Variants in PSD3 observed in about 807,000 individuals in gnomAD.
The protein encoded by PSD3 is PH and SEC7 domain-containing protein 3.
PSD3 carries 49 observed loss-of-function variants against 105.5 expected under a neutral mutation model. The ratio of observed to expected loss-of-function variants is 0.46; its 90% confidence interval spans 0.37 to 0.59. The LOEUF is 0.59. Ranked by LOEUF, PSD3 falls within the 20% of genes least tolerant of loss-of-function variation. The pLI is 0.00. For missense variants in PSD3, 1,561 were observed against 1,263.8 expected, an observed-to-expected ratio of 1.24 and a Z score of -3.57; for synonymous variants, 557 against 457.8, an observed-to-expected ratio of 1.22 and a Z score of -2.77.
intron 10 of PSD3, among the ~76,000 whole-genome samples, chr8:18,654,800 T>TCCCAAGAGATCCAATCCATC (rs1808766278): frequency 6.6e-6 from 1 of 152,218 alleles, no homozygotes; most frequent in South Asian, 2.1e-4. Flanking sequence ...TCTCCCAAGC[T>TCCCAAGAGATCCAATCCATC]TATTCCATTC....
At chr8:18,908,317 T>A (rs1343211530) in intron 2 of PSD3, among the ~76,000 whole-genome samples, 1 of 152,194 alleles carries the variant, frequency 6.6e-6, no homozygotes, top group African/African-American at 2.4e-5. Context: ...TGGATTAATA[T>A]TTAAGGTCTT....
intron 4 of PSD3, among the ~76,000 whole-genome samples, chr8:18,821,555 A>G (rs1466777378): frequency 6.6e-6 from 1 of 151,946 alleles, no homozygotes; most frequent in Non-Finnish European, 1.5e-5. Flanking sequence ...TCCTAACAAA[A>G]CTGAATAATA....
intron 12 of PSD3, among the ~76,000 whole-genome samples, chr8:18,590,711 G>C (rs1803536477): frequency 6.6e-6 from 1 of 152,098 alleles, no homozygotes; most frequent in South Asian, 2.1e-4. Context: ...ATGTCTGAAA[G>C]TGGGGGAAAA....
chr8:18,868,035 C>T lies in PSD3; in HGVS notation c.1273G>A (p.Asp425Asn). The T allele has an allele frequency of 6.2e-7, 1 of 1,613,024 alleles. No homozygotes were observed. Among genetic ancestry groups the T allele is most frequent in the Non-Finnish European group, 8.5e-7 (1 of 1,179,576 alleles). Residue 425 changes from aspartate to asparagine, a missense_variant, in exon 4 of 16, where the codon GAT (aspartate) becomes AAT (asparagine). Transcript: ENST00000327040. ...SEQEEHVKGE[D>N]EDILGPGYTE... ...TATCCAGGCCCAAGGATGTCTTCAT[C>T]TTCCCCCTTAACGTGCTCCTCTTGT...
intron 13 of PSD3, among the ~76,000 whole-genome samples, chr8:18,574,301 G>A (rs1296536414): frequency 2.0e-5 from 3 of 152,102 alleles, no homozygotes; most frequent in African/African-American, 7.2e-5. Flanking sequence ...TATTTCAATG[G>A]ACTGTTTTTT....
intron 11 of PSD3, among the ~76,000 whole-genome samples, chr8:18,627,423 A>G (rs1451686615): frequency 6.6e-6 from 1 of 152,054 alleles, no homozygotes; most frequent in Non-Finnish European, 1.5e-5. Context: ...AGTGAAAGGA[A>G]ATAATTCAAG....
intron 2 of PSD3, among the ~76,000 whole-genome samples, chr8:18,919,813 A>T (rs1820878773): frequency 7.4e-6 from 1 of 135,638 alleles, no homozygotes; most frequent in African/African-American, 2.8e-5. Flanking sequence ...GATCACATGG[A>T]CACAGGAAGG....
intron 4 of PSD3, among the ~76,000 whole-genome samples, chr8:18,812,228 A>G (rs952167552): frequency 6.6e-6 from 1 of 152,180 alleles, no homozygotes; most frequent in Admixed American, 6.5e-5. Flanking sequence ...GATGATGAGG[A>G]GAGCTGTGTT....
rs1554559914 is a variant in PSD3 at position 18,984,192 on chromosome 8, A to AAAAAATAATAAT, written c.21+29370_21+29371insATTATTATTTTT. Among the ~76,000 whole-genome samples, 374 of 146,438 alleles carry AAAAAATAATAAT rather than the reference A, an allele frequency of 2.6e-3. 2 individuals are homozygous for AAAAAATAATAAT. Among genetic ancestry groups the AAAAAATAATAAT allele is most frequent in the African/African-American group, 8.9e-3 (357 of 40,326 alleles). Reference sequence around the variant, plus strand: ...CAAAGTTGCCACAACCCTTCAATTAAAATAATAATAATAATAATAATAATA... The same window carrying AAAAAATAATAAT: ...CAAAGTTGCCACAACCCTTCAATTAAAAAAATAATAATAATAATAATAATAATAATAATAATA... On this transcript the variant is annotated intron_variant, in intron 1 of 15. Coordinates refer to ENST00000327040, the MANE Select transcript of PSD3 (RefSeq NM_015310.4).
Position 18,589,270 on chromosome 8 carries a change from G to C in PSD3, c.2481+11094C>G, listed in dbSNP as rs564656499. Among the ~76,000 whole-genome samples, 8 of 152,248 alleles carry C rather than the reference G, an allele frequency of 5.3e-5. No individual in the cohort carries two copies. In the Middle Eastern group the frequency reaches 0.01, roughly 194 times the overall value. ...CAGTATGAGATAGCCAGCCACCTAAGAGCATGGATAATCTCCAAGTATCAA... is the reference window on the plus strand; with the variant it reads ...CAGTATGAGATAGCCAGCCACCTAACAGCATGGATAATCTCCAAGTATCAA... On this transcript the variant is annotated intron_variant, in intron 12 of 15. Coordinates refer to ENST00000327040, the MANE Select transcript of PSD3 (RefSeq NM_015310.4).
intron 4 of PSD3, among the ~76,000 whole-genome samples, chr8:18,819,414 A>G (rs1330100970): frequency 6.6e-6 from 1 of 152,110 alleles, no homozygotes; most frequent in African/African-American, 2.4e-5. Flanking sequence ...ATGCTACTCA[A>G]TAGAAACAAA....
chr8:18,881,457 A>G (rs1818099246), intron 2 of PSD3, among the ~76,000 whole-genome samples: 3 of 152,216 alleles, frequency 2.0e-5, no homozygotes, highest in South Asian at 4.1e-4. Context: ...GTTTTCTTCC[A>G]CTCTGGCTAG....
chr8:18,612,483 C>G (rs551850086), intron 11 of PSD3, among the ~76,000 whole-genome samples: 3 of 152,288 alleles, frequency 2.0e-5, no homozygotes, highest in East Asian at 3.9e-4. Flanking sequence ...AGCCATTCCC[C>G]TGCCTCAGCT....
intron 2 of PSD3, among the ~76,000 whole-genome samples, chr8:18,925,870 A>G (rs1271127981): frequency 2.6e-5 from 4 of 152,162 alleles, no homozygotes; most frequent in Non-Finnish European, 5.9e-5. Flanking sequence ...GCTCAACTCA[A>G]AAAACAAAAC....
intron 1 of PSD3, among the ~76,000 whole-genome samples, chr8:18,988,042 A>T (rs1056043888): frequency 6.6e-6 from 1 of 152,158 alleles, no homozygotes; most frequent in Non-Finnish European, 1.5e-5. Flanking sequence ...ATATACTTGA[A>T]TCCCTTGCAT....
At position 18,811,922 on chromosome 8, in the gene PSD3, T is replaced by G. The variant is rs574565991; in HGVS notation, c.1635-7024A>C. Among the ~76,000 whole-genome samples, 38 of 152,314 alleles carry G rather than the reference T, an allele frequency of 2.5e-4. No homozygotes were observed. The East Asian group carries it at 6.4e-3, about 25-fold the overall frequency. ...AACAGAATAATAGTGTATAAATGCT[T>G]ATTAAGTTTGGACCCAACAATTTAC... is the stretch of plus-strand genomic sequence containing the variant. On this transcript the variant is annotated intron_variant, in intron 4 of 15. Coordinates refer to ENST00000327040, the MANE Select transcript of PSD3 (RefSeq NM_015310.4).
At position 18,995,122 on chromosome 8, in the gene PSD3, A is replaced by AGT. The variant is rs967348913; in HGVS notation, c.21+18439_21+18440dup. On this transcript the variant is annotated intron_variant, in intron 1 of 15. Coordinates refer to ENST00000327040, the MANE Select transcript of PSD3 (RefSeq NM_015310.4). ...TTACTGAAGAGATTTGGCCTTAGCA[A>AGT]GTAGGAATCCAGAGAATTTAAAAGC... is the stretch of plus-strand genomic sequence containing the variant. Among the ~76,000 whole-genome samples the AGT allele has an allele frequency of 4.5e-4, 68 of 152,262 alleles. 1 individual carries two copies. The highest frequency in any genetic ancestry group is 3.4e-3 in the Middle Eastern group (1 of 292).
chr8:19,074,183 C>T (rs1442264117), intron 1 of PSD3, among the ~76,000 whole-genome samples: 5 of 152,186 alleles, frequency 3.3e-5, no homozygotes, highest in African/African-American at 1.2e-4. Flanking sequence ...AGCTCCCCAA[C>T]TCCCAGTACG....
intron 2 of PSD3, among the ~76,000 whole-genome samples, chr8:18,874,101 T>C (rs972487474): frequency 6.6e-6 from 1 of 152,172 alleles, no homozygotes; most frequent in Non-Finnish European, 1.5e-5. Flanking sequence ...GGAAATACAG[T>C]GTACTCACTT....
Sources: allele counts gnomAD v4.1 joint callset (sites outside exome capture counted in the v4.1 genomes callset), GRCh38; gene constraint gnomAD v4.1.1; transcripts MANE v1.5; gene names NCBI Gene and HGNC (gene_info 2026-07-23, HGNC 2026-07-21).